Variants in IMPG1 observed in about 807,000 individuals in gnomAD.
IMPG1 encodes interphotoreceptor matrix proteoglycan of 150 kDa.
IMPG1 carries 85 observed loss-of-function variants against 92.0 expected under a neutral mutation model. That is an observed-to-expected ratio of 0.92 (90% CI 0.78 to 1.11). The LOEUF (loss-of-function observed/expected upper bound fraction) is 1.11. IMPG1 is among the 50% of genes least tolerant of loss of function. The pLI, the probability that IMPG1 is intolerant of heterozygous loss-of-function variation, is 0.00. For missense variants in IMPG1, 1,022 were observed against 956.0 expected (o/e 1.07, Z -0.91); for synonymous variants, 367 against 334.1 (o/e 1.10, Z -1.08).
chr6:76,003,097 A>C, intron 11 of IMPG1, 101 bp from the exon 12 acceptor site: 1 of 808,266 alleles, frequency 1.2e-6, no homozygotes, highest in Non-Finnish European at 2.1e-6. Context: ...AAATTTAGGC[A>C]AACTATTTTG....
At chr6:75,973,264 G>T (rs1208346528) in intron 12 of IMPG1, among the ~76,000 whole-genome samples, 2 of 151,538 alleles carry the variant, frequency 1.3e-5, no homozygotes, top group Non-Finnish European at 2.9e-5. Context: ...ACAGGCATGA[G>T]CCACTGTGCC....
chr6:76,071,693 C>T (rs1784405288), intron 1 of IMPG1, among the ~76,000 whole-genome samples: 1 of 152,062 alleles, frequency 6.6e-6, no homozygotes, highest in African/African-American at 2.4e-5. Flanking sequence ...ACCTTATTGA[C>T]TTCAAATGTC....
chr6:75,975,750 A>G (rs1192012691), intron 12 of IMPG1, among the ~76,000 whole-genome samples: 1 of 152,182 alleles, frequency 6.6e-6, no homozygotes, highest in Non-Finnish European at 1.5e-5. Flanking sequence ...TTTTCTGACA[A>G]GGGCCAAACG....
chr6:75,932,934 C>A (rs1433609163), intron 14 of IMPG1, among the ~76,000 whole-genome samples: 2 of 152,146 alleles, frequency 1.3e-5, no homozygotes, highest in Non-Finnish European at 2.9e-5. Flanking sequence ...CTCCTGACCT[C>A]AGGTGATCTG....
At chr6:75,948,246 C>T (rs988329528) in intron 13 of IMPG1, among the ~76,000 whole-genome samples, 12 of 152,228 alleles carry the variant, frequency 7.9e-5, no homozygotes, top group Admixed American at 1.3e-4. Flanking sequence ...CAACAGTATG[C>T]CCCATGGCAT....
At chr6:75,934,321 A>G (rs1781705495) in intron 14 of IMPG1, among the ~76,000 whole-genome samples, 2 of 152,250 alleles carry the variant, frequency 1.3e-5, no homozygotes, top group South Asian at 2.1e-4. Flanking sequence ...ATGTCTTGAA[A>G]TAAGTGAGCT....
chr6:75,962,674 G>A (rs1782229151), intron 12 of IMPG1, among the ~76,000 whole-genome samples: 1 of 152,142 alleles, frequency 6.6e-6, no homozygotes, highest in South Asian at 2.1e-4. Flanking sequence ...GAGAGAAAGA[G>A]GTGGTATATT....
intron 12 of IMPG1, among the ~76,000 whole-genome samples, chr6:76,000,026 T>C (rs1782962070): frequency 6.6e-6 from 1 of 152,226 alleles, no homozygotes; most frequent in African/African-American, 2.4e-5. Context: ...GGACAGGACA[T>C]GGTACTATAA....
chr6:76,005,238 T>G, intron 10 of IMPG1, 49 bp downstream of exon 10: 1 of 1,583,980 alleles, frequency 6.3e-7, no homozygotes, highest in Non-Finnish European at 8.6e-7. Context: ...ACATTCTTAG[T>G]CTCTGCCAAA....
At chr6:76,003,842 CTAGT>C in intron 11 of IMPG1, 28 bp downstream of exon 11, 3 of 1,512,846 alleles carry the variant, frequency 2.0e-6, no homozygotes, top group Non-Finnish European at 2.7e-6. Flanking sequence ...GACTTTGTTC[CTAGT>C]TAAAGAACAA....
intron 12 of IMPG1, among the ~76,000 whole-genome samples, chr6:75,974,031 C>G (rs1363434388): frequency 6.6e-6 from 1 of 152,204 alleles, no homozygotes; most frequent in Non-Finnish European, 1.5e-5. Context: ...TTGTAGAAAT[C>G]AAACATGTGA....
rs147453866 is a variant in IMPG1 at position 76,012,550 on chromosome 6, C to A, written c.808-1326G>T. Among the ~76,000 whole-genome samples the A allele has an allele frequency of 4.0e-3, 602 of 152,322 alleles. 4 individuals carry two copies. The highest frequency in any genetic ancestry group is 5.6e-3 in the Non-Finnish European group (380 of 68,038). ...GTCACATGGACAAGTACTGCCCCAT[C>A]CAGCTTTCCTGTTGGAGACTGGGAG... On this transcript the variant is annotated intron_variant, in intron 7 of 16. Coordinates refer to ENST00000369950, the MANE Select transcript of IMPG1 (RefSeq NM_001563.4).
chr6:76,013,866 C>T (rs887919031), intron 7 of IMPG1, among the ~76,000 whole-genome samples: 2 of 152,234 alleles, frequency 1.3e-5, no homozygotes, highest in African/African-American at 4.8e-5. Context: ...AAATCACTTA[C>T]ACTGGGCTTT....
intron 1 of IMPG1, 105 bp downstream of exon 1, chr6:76,072,317 A>C: frequency 1.6e-6 from 1 of 632,080 alleles, no homozygotes; most frequent in Non-Finnish European, 2.8e-6. Flanking sequence ...CCTACTATAT[A>C]CTAGCCCGTG....
intron 12 of IMPG1, among the ~76,000 whole-genome samples, chr6:75,957,673 G>C (rs1230276658): frequency 1.3e-5 from 2 of 151,696 alleles, no homozygotes; most frequent in East Asian, 3.9e-4. Flanking sequence ...CCCTGCTTTG[G>C]CTTTTGATAT....
At chr6:76,045,588 C>G in intron 1 of IMPG1, among the ~76,000 whole-genome samples, 1 of 151,818 alleles carries the variant, frequency 6.6e-6, no homozygotes, top group East Asian at 1.9e-4. Context: ...TGCCTCTGCC[C>G]CATCCTCACT....
chr6:76,057,869 C>G (rs1167625543), intron 1 of IMPG1, among the ~76,000 whole-genome samples: 2 of 152,064 alleles, frequency 1.3e-5, no homozygotes, highest in Non-Finnish European at 2.9e-5. Context: ...CAAGTCACTA[C>G]TAGTCTTTGA....
chr6:76,010,884 T>A (rs1783171637), intron 8 of IMPG1, among the ~76,000 whole-genome samples: 1 of 152,220 alleles, frequency 6.6e-6, no homozygotes, highest in Non-Finnish European at 1.5e-5. Context: ...AGCTCATTCA[T>A]AACCACATGA....
chr6:75,991,610 C>T (rs1453272608), intron 12 of IMPG1, among the ~76,000 whole-genome samples: 1 of 152,140 alleles, frequency 6.6e-6, no homozygotes, highest in African/African-American at 2.4e-5. Flanking sequence ...ATGCCAGCCC[C>T]CTTCTGAACA....
Sources: allele counts gnomAD v4.1 joint callset (sites outside exome capture counted in the v4.1 genomes callset), GRCh38; gene constraint gnomAD v4.1.1; transcripts MANE v1.5; gene names NCBI Gene and HGNC (gene_info 2026-07-23, HGNC 2026-07-21).